RC3H1: variants seen among roughly 807,000 people sequenced by gnomAD.
RC3H1 encodes ring finger and CCCH-type domains 1.
RC3H1 carries 50 observed loss-of-function variants against 138.2 expected under a neutral mutation model. The ratio of observed to expected loss-of-function variants is 0.36; its 90% CI spans 0.29 to 0.46. The LOEUF is 0.46. Among genes scored for constraint, RC3H1 ranks in the 20% least tolerant of loss-of-function variants. The pLI, the probability that RC3H1 is intolerant of heterozygous loss-of-function variation, is 1.00. For missense variants in RC3H1, 1,031 were observed against 1,388.1 expected (o/e 0.74, Z 4.09); for synonymous variants, 462 against 489.1 (o/e 0.94, Z 0.73).
chr1:173,941,306 T>C lies in RC3H1; in HGVS notation c.3210A>G (p.Pro1070=). Residue 1070 remains proline (P), a synonymous_variant, in exon 19 of 20, where the codon CCA becomes CCG. Coordinates refer to ENST00000367696, the MANE Select transcript of RC3H1 (RefSeq NM_172071.4). ...GGTCCTCAGCCGGAACCTTGTTTTG[T>C]GGTTCTGGTTGTCCATTTTCTGCTT... ...SKQAENGQPE[P]QNKVPAEDLT... 1 of 1,613,996 alleles carries C rather than the reference T, an allele frequency of 6.2e-7. No homozygotes were observed. The highest frequency in any genetic ancestry group is 8.5e-7 in the Non-Finnish European group (1 of 1,179,892).
chr1:173,988,277 T>C (rs1000323607), intron 2 of RC3H1, among the ~76,000 whole-genome samples: 2 of 152,242 alleles, frequency 1.3e-5, no homozygotes, highest in African/African-American at 2.4e-5. Flanking sequence ...ATACTTTTAT[T>C]GTTGCTATGG....
intron 11 of RC3H1, 28 bp from the exon 12 acceptor site, chr1:173,962,123 G>A (rs1659914215): frequency 4.5e-6 from 7 of 1,546,906 alleles, no homozygotes; most frequent in Non-Finnish European, 6.1e-6. Context: ...GGACCCAAAA[G>A]CAAATAATGA....
At chr1:173,952,163 CAAAA>C in intron 13 of RC3H1, 25 bp from the exon 14 acceptor site, 7 of 945,568 alleles carry the variant, frequency 7.4e-6, no homozygotes, top group Non-Finnish European at 6.7e-6. Flanking sequence ...AGAAAAAAAA[CAAAA>C]AAAAAAAAAA....
At chr1:173,951,606 T>C (rs1435427481) in intron 14 of RC3H1, among the ~76,000 whole-genome samples, 1 of 152,082 alleles carries the variant, frequency 6.6e-6, no homozygotes, top group African/African-American at 2.4e-5. Context: ...AGTGGCACGA[T>C]CTTGGCTCAC....
intron 1 of RC3H1, among the ~76,000 whole-genome samples, chr1:174,005,046 A>T (rs1466231247): frequency 6.6e-6 from 1 of 152,288 alleles, no homozygotes; most frequent in Non-Finnish European, 1.5e-5. Context: ...AAATAGTGAC[A>T]TGGGGTTTAT....
At position 173,961,144 on chromosome 1, in the gene RC3H1, C is replaced by G; in HGVS notation, c.2303G>C (p.Arg768Thr). The change falls in exon 13 of 20, where the codon AGA (arginine) becomes ACA (threonine). Residue 768 changes from arginine (R) to threonine (T), a missense_variant. Physicochemically the swap from Arg to Thr is moderately conservative, Grantham distance 71. Coordinates refer to ENST00000367696, the MANE Select transcript of RC3H1 (RefSeq NM_172071.4). ...RKEIMAQLEERKVISPPPFAP... is the reference protein window; with the variant it reads ...RKEIMAQLEETKVISPPPFAP... Reference sequence around the variant, plus strand: ...AAAAGGAGGTGGAGAGATAACCTTTCTTTCCTCTAGCTGGGCCATTATTTC... The same window carrying G: ...AAAAGGAGGTGGAGAGATAACCTTTGTTTCCTCTAGCTGGGCCATTATTTC... The G allele has an allele frequency of 6.2e-7, 1 of 1,614,046 alleles. No individual in the cohort carries two copies. The highest frequency in any genetic ancestry group is 1.3e-5 in the African/African-American group (1 of 75,034).
chr1:173,938,718 A>G lies in RC3H1; in HGVS notation c.*3T>C. 1 of 1,597,004 alleles carries G rather than the reference A, an allele frequency of 6.3e-7. No individual in the cohort carries two copies. The highest frequency in any genetic ancestry group is 8.5e-7 in the Non-Finnish European group (1 of 1,171,398). ...AGAAGATAAAAGTAGGACTCCTCAT[A>G]TTTTAAGGAGCAGAACTGGGAGTAA... On this transcript the variant is annotated 3_prime_UTR_variant, in exon 20 of 20. Coordinates refer to ENST00000367696, the MANE Select transcript of RC3H1 (RefSeq NM_172071.4).
chr1:173,986,072 A>G (rs1661018181), intron 2 of RC3H1, among the ~76,000 whole-genome samples: 1 of 152,126 alleles, frequency 6.6e-6, no homozygotes, highest in Non-Finnish European at 1.5e-5. Context: ...CCCAGGCTGG[A>G]GTGCAGTGGC....
At chr1:173,956,378 C>T (rs148347052) in intron 13 of RC3H1, among the ~76,000 whole-genome samples, 1,875 of 152,130 alleles carry the variant, frequency 0.012, 23 homozygotes, top group Non-Finnish European at 0.019. Context: ...ACCCTGCTTT[C>T]ATCATTGCAT....
At chr1:173,980,023 G>A (rs1374938166) in intron 6 of RC3H1, among the ~76,000 whole-genome samples, 2 of 149,990 alleles carry the variant, frequency 1.3e-5, no homozygotes, top group Non-Finnish European at 3.0e-5. Context: ...GACTATAGGC[G>A]CCTACCACCA....
chr1:173,955,478 C>T (rs547985941), intron 13 of RC3H1, among the ~76,000 whole-genome samples: 9 of 151,302 alleles, frequency 5.9e-5, no homozygotes, highest in South Asian at 4.2e-4. Context: ...CCACCACGCC[C>T]GGCTAGTTTT....
At position 173,932,636 on chromosome 1, in the gene RC3H1, A is replaced by T. The variant is rs557026593; in HGVS notation, c.*6085T>A. The T allele has an allele frequency of 6.6e-5, 10 of 152,160 alleles. No homozygotes were observed. The highest frequency in any genetic ancestry group is 1.5e-4 in the Non-Finnish European group (10 of 67,990). The allele number at this position is 152,160 out of a possible 1,614,324, so 9.4% of individuals were successfully genotyped here. ...GGCCAACGATCCATCTGGAAAAAATAACTCTCAAGACAGTGTCTTAGTTGA... is the reference window on the plus strand; with the variant it reads ...GGCCAACGATCCATCTGGAAAAAATTACTCTCAAGACAGTGTCTTAGTTGA... On this transcript the variant is annotated 3_prime_UTR_variant, in exon 20 of 20. Transcript: ENST00000367696.
intron 9 of RC3H1, among the ~76,000 whole-genome samples, chr1:173,970,246 A>G (rs1363709441): frequency 6.6e-6 from 1 of 152,198 alleles, no homozygotes; most frequent in Admixed American, 6.5e-5. Flanking sequence ...ATTTTAAATA[A>G]TTTTGTGCAT....
intron 1 of RC3H1, among the ~76,000 whole-genome samples, chr1:174,000,561 T>C (rs1386827824): frequency 6.6e-6 from 1 of 152,194 alleles, no homozygotes; most frequent in African/African-American, 2.4e-5. Context: ...GTGAAAAATG[T>C]TTTTATCAAA....
rs57104242 is a variant in RC3H1, at chr1:173,961,563, T to TA, written c.2202+161dup. ...CAGATTTTTTTCTCATTATATAGTT[T>TA]AAAAAAAAAAAATACCCAAATTATG... On this transcript the variant is annotated intron_variant, in intron 12 of 19. Transcript: ENST00000367696. Among the ~76,000 whole-genome samples, 97 of 143,598 alleles carry TA rather than the reference T, an allele frequency of 6.8e-4. 1 individual carries two copies. The highest frequency in any genetic ancestry group is 5.1e-3 in the East Asian group (25 of 4,930). 94.2% of individuals were successfully genotyped at this position (143,598 alleles called of 152,430 possible). A position where few individuals can be genotyped will look rare whatever the true frequency, so the allele number is the denominator to read the frequency against.
intron 7 of RC3H1, among the ~76,000 whole-genome samples, chr1:173,972,905 T>C (rs1660425488): frequency 6.6e-6 from 1 of 152,114 alleles, no homozygotes; most frequent in Non-Finnish European, 1.5e-5. Flanking sequence ...AGACTCTCAG[T>C]GTTGAGGAGA....
At chr1:173,964,263 G>T in intron 10 of RC3H1, 76 bp from the exon 11 acceptor site, 1 of 1,250,326 alleles carries the variant, frequency 8.0e-7, no homozygotes, top group Non-Finnish European at 1.1e-6. Context: ...AAAAAAGATT[G>T]CTACAATTTG....
At chr1:174,004,558 C>T (rs955717080) in intron 1 of RC3H1, among the ~76,000 whole-genome samples, 1 of 151,850 alleles carries the variant, frequency 6.6e-6, no homozygotes, top group Admixed American at 6.6e-5. Flanking sequence ...ATAATCCAGG[C>T]ACTCCAGGAG....
intron 1 of RC3H1, among the ~76,000 whole-genome samples, chr1:173,999,809 C>T (rs1258703219): frequency 1.3e-5 from 2 of 152,176 alleles, no homozygotes; most frequent in African/African-American, 4.8e-5. Flanking sequence ...TATACAGTAT[C>T]TAATTAATGT....
Sources: gnomAD v4.1 joint callset for allele counts (sites outside exome capture counted in the v4.1 genomes callset) on GRCh38, gnomAD v4.1.1 for gene constraint, MANE v1.5 for transcripts, NCBI Gene and HGNC (gene_info 2026-07-23, HGNC 2026-07-21) for gene names.